The following DYRK4 variants were observed in gnomAD, a reference collection of about 807,000 sequenced individuals.
DYRK4 encodes the protein dual specificity tyrosine-phosphorylation-regulated kinase 4.
A neutral mutation model predicts 68.3 loss-of-function variants in DYRK4; 64 were observed. That is an observed-to-expected ratio of 0.94 (90% CI 0.77 to 1.15). The LOEUF is 1.15. Ranked by LOEUF, DYRK4 falls within the 50% of genes most tolerant of loss-of-function variation. The probability of loss-of-function intolerance (pLI) is 0.00; values close to 1 mark genes in which losing one functional copy is unlikely to be tolerated. For synonymous variants in DYRK4, 274 were observed against 289.9 expected, an observed-to-expected ratio of 0.95 and a Z score of 0.56; for missense variants, 740 against 764.7, an observed-to-expected ratio of 0.97 and a Z score of 0.38.
chr12:4,591,267 A>G lies in DYRK4; in HGVS notation c.432A>G (p.Pro144=). 1 of 1,614,174 alleles carries G rather than the reference A, an allele frequency of 6.2e-7. No homozygotes were observed. Among genetic ancestry groups the G allele is most frequent in the Non-Finnish European group, 8.5e-7 (1 of 1,180,008 alleles). Residue 144 remains proline (P), a synonymous_variant, in exon 5 of 15, where the codon CCA becomes CCG. Coordinates refer to ENST00000543431, the MANE Select transcript of DYRK4 (RefSeq NM_001394779.1). This position sits in a 1 kb window ranked among gnomAD's most constrained non-coding sequence, Gnocchi z 4.1. The stretch of plus-strand genomic sequence containing the variant: ...ATCCCAAGGCAGAGGAGAAGTCACC[A>G]AAGAAGCAAAAGGTGACTCTGACAG... ...TQDPKAEEKS[P]KKQKVTLTAA... is the part of the protein sequence containing the mutation.
chr12:4,611,899 A>G (rs1436569848), intron 13 of DYRK4, among the ~76,000 whole-genome samples: 2 of 152,242 alleles, frequency 1.3e-5, no homozygotes, highest in Non-Finnish European at 2.9e-5. Context: ...GTGTTGATGA[A>G]TTAGGACCTG....
At chr12:4,590,220 G>A (rs2302251) in intron 3 of DYRK4, 110 bp from the exon 4 acceptor site, 30,361 of 1,445,984 alleles carry the variant, frequency 0.021, 2,074 homozygotes, top group African/African-American at 0.19. Flanking sequence ...CCAGATTGGG[G>A]TTAGGCTCAT....
At chr12:4,578,815 CTG>C (rs1944813084) in intron 2 of DYRK4, among the ~76,000 whole-genome samples, 1 of 152,332 alleles carries the variant, frequency 6.6e-6, no homozygotes. Context: ...CTGTCTGACT[CTG>C]AGGTCTGTGT....
At chr12:4,584,330 C>T (rs967125801) in intron 2 of DYRK4, among the ~76,000 whole-genome samples, 1 of 152,228 alleles carries the variant, frequency 6.6e-6, no homozygotes, top group African/African-American at 2.4e-5. Flanking sequence ...CCAAGGTCCA[C>T]TGCAACTCAG....
At chr12:4,596,554 T>C (rs1290076292) in intron 7 of DYRK4, 35 bp from the exon 8 acceptor site, 3 of 1,604,854 alleles carry the variant, frequency 1.9e-6, no homozygotes, top group Non-Finnish European at 2.5e-6. Flanking sequence ...TCTATCCCCA[T>C]TTCCCACCCT....
intron 12 of DYRK4, chr12:4,609,834 T>G: frequency 5.9e-6 from 1 of 168,252 alleles, no homozygotes. Flanking sequence ...ATTATTATCA[T>G]TAGCATTATT....
rs1241722030 is a variant in DYRK4, at chr12:4,604,999, C to T, written c.1212C>T (p.Ser404=). The T allele has an allele frequency of 1.1e-5, 18 of 1,614,060 alleles. No homozygotes were observed. The East Asian group carries it at 3.6e-4, about 32-fold the overall frequency. Residue 404 remains serine (S), a synonymous_variant, in exon 11 of 15, where the codon AGC becomes AGT. Transcript: ENST00000543431. The stretch of plus-strand genomic sequence containing the variant: ...ACGACGTGGCCATTGACATGTGGAG[C>T]CTGGGCTGCATCACGGCGGAGTTGT... ...HPYDVAIDMW[S]LGCITAELYT...
chr12:4,586,486 C>G lies in DYRK4; in HGVS notation c.133-2451C>G, dbSNP rs191383678. ...TGAATACGGGAGAGCACACCCGCTT[C>G]CTTTTGCCTCCCAGCGATCCCTTGG... On this transcript the variant is annotated intron_variant, in intron 2 of 14. Coordinates refer to ENST00000543431, the MANE Select transcript of DYRK4 (RefSeq NM_001394779.1). Among the ~76,000 whole-genome samples, 317 of 152,216 alleles carry G rather than the reference C, an allele frequency of 2.1e-3. 6 individuals are homozygous for G. Among genetic ancestry groups the G allele is most frequent in the Non-Finnish European group, 5.7e-4 (39 of 68,008 alleles).
chr12:4,594,054 C>T (rs958733481), intron 6 of DYRK4, among the ~76,000 whole-genome samples: 1 of 152,136 alleles, frequency 6.6e-6, no homozygotes, highest in African/African-American at 2.4e-5. Flanking sequence ...CTTTGAGAAG[C>T]AAGGATTTCG....
At position 4,590,431 on chromosome 12, in the gene DYRK4, G is replaced by T. The variant is rs1944940770; in HGVS notation, c.315G>T (p.Leu105=). 1 of 1,535,914 alleles carries T rather than the reference G, an allele frequency of 6.5e-7. No individual in the cohort carries two copies. Among genetic ancestry groups the T allele is most frequent in the Non-Finnish European group, 8.7e-7 (1 of 1,146,820 alleles). The change falls in exon 4 of 15, where the codon CTG becomes CTT. Residue 105 remains leucine (L), a synonymous_variant. Transcript: ENST00000543431. ...ISKKVLLKSS[L]LYQENQAHNQ... ...AGAAAGTCCTGCTGAAGTCATCCCT[G>T]CTGTATCAGGTGAGTGCAGACGGAC... is the stretch of plus-strand genomic sequence containing the variant.
intron 10 of DYRK4, among the ~76,000 whole-genome samples, chr12:4,604,594 G>A (rs1945118818): frequency 6.6e-6 from 1 of 152,230 alleles, no homozygotes; most frequent in Non-Finnish European, 1.5e-5. Flanking sequence ...CAATCTGACA[G>A]TTTGAAAACT....
chr12:4,607,565 G>A (rs1006869217), intron 12 of DYRK4, among the ~76,000 whole-genome samples, 178 bp downstream of exon 12: 1 of 152,192 alleles, frequency 6.6e-6, no homozygotes, highest in South Asian at 2.1e-4. Flanking sequence ...GATGGGATGG[G>A]GGAGTCACAG....
At chr12:4,584,590 C>G (rs1352986994) in intron 2 of DYRK4, among the ~76,000 whole-genome samples, 1 of 121,492 alleles carries the variant, frequency 8.2e-6, no homozygotes, top group African/African-American at 3.2e-5. Context: ...GAGTCTTGCT[C>G]TGTCGCCCAG....
intron 10 of DYRK4, chr12:4,602,417 C>T: frequency 2.1e-6 from 2 of 972,532 alleles, no homozygotes; most frequent in Non-Finnish European, 3.3e-6. Flanking sequence ...ATGTTGAGGT[C>T]ACTGATGAGA....
chr12:4,568,045 G>A lies in DYRK4; in HGVS notation c.129G>A (p.Ala43=), dbSNP rs10444471. The change falls in exon 2 of 15, where the codon GCG becomes GCA. Residue 43 remains alanine (A), a synonymous_variant. Transcript: ENST00000543431. ...GAAAGAAACAAAAGTTCACCTCTGC[G>A]AAGGTAAAGATCCTTGAATTTTCAC... ...KARKKQKFTS[A]KVGSKLSVQI... is the part of the protein sequence containing the mutation. 1.6e-5 allele frequency: 24 copies of A among 1,535,850 alleles called. No homozygotes were observed. In the East Asian group the frequency reaches 1.7e-4, roughly 11 times the overall value.
intron 2 of DYRK4, among the ~76,000 whole-genome samples, chr12:4,569,861 T>G (rs537747203): frequency 5.3e-5 from 8 of 151,930 alleles, no homozygotes; most frequent in Non-Finnish European, 1.2e-4. Context: ...TTTGATTAAT[T>G]TCAAAGAAAG....
intron 5 of DYRK4, 89 bp from the exon 6 acceptor site, chr12:4,592,913 C>T (rs1031175252): frequency 1.5e-5 from 22 of 1,508,450 alleles, no homozygotes; most frequent in Admixed American, 8.0e-5. Flanking sequence ...GCTGATGGCT[C>T]GTGACCTGGA....
intron 10 of DYRK4, chr12:4,602,665 G>C: frequency 3.5e-6 from 5 of 1,417,046 alleles, no homozygotes; most frequent in Non-Finnish European, 5.0e-6. Flanking sequence ...CACCTGCTGA[G>C]GGTCATTTTC....
intron 10 of DYRK4, among the ~76,000 whole-genome samples, chr12:4,600,359 G>C (rs1244574240): frequency 6.6e-6 from 1 of 152,002 alleles, no homozygotes; most frequent in Non-Finnish European, 1.5e-5. Flanking sequence ...GTCAGTCACT[G>C]TCCTGGGTAC....
Sources: gnomAD v4.1 joint callset for allele counts (sites outside exome capture counted in the v4.1 genomes callset) on GRCh38, gnomAD v4.1.1 for gene constraint, Gnocchi (gnomAD v3.1) non-coding constraint, MANE v1.5 for transcripts, NCBI Gene and HGNC (gene_info 2026-07-23, HGNC 2026-07-21) for gene names.